GLRB: variants seen among roughly 807,000 people sequenced by gnomAD.
GLRB encodes glycine receptor beta.
A neutral mutation model predicts 54.2 loss-of-function variants in GLRB; 33 were observed. The ratio of observed to expected loss-of-function variants is 0.61; its 90% CI spans 0.46 to 0.81. GLRB has a LOEUF of 0.81. Ranked by LOEUF, GLRB falls within the 40% of genes least tolerant of loss-of-function variation. The pLI is 0.00. For missense variants in GLRB, 572 were observed against 584.6 expected, an observed-to-expected ratio of 0.98 and a Z score of 0.22; for synonymous variants, 209 against 208.2, an observed-to-expected ratio of 1.00 and a Z score of -0.03.
intron 2 of GLRB, among the ~76,000 whole-genome samples, chr4:157,096,275 A>T (rs543435555): frequency 1.3e-5 from 2 of 152,326 alleles, no homozygotes; most frequent in East Asian, 1.9e-4. Flanking sequence ...ATTGTTGGAC[A>T]TCTTACTTAA....
chr4:157,138,286 G>T (rs1458321587), intron 6 of GLRB, among the ~76,000 whole-genome samples: 1 of 152,094 alleles, frequency 6.6e-6, no homozygotes, highest in East Asian at 1.9e-4. Context: ...ATATTGGCCA[G>T]GCTGGTCTCG....
At chr4:157,143,410 C>A (rs1736688597) in intron 7 of GLRB, among the ~76,000 whole-genome samples, 1 of 151,620 alleles carries the variant, frequency 6.6e-6, no homozygotes, top group Non-Finnish European at 1.5e-5. Flanking sequence ...CGGAGTGTTT[C>A]TTTTTAAGAT....
At chr4:157,135,765 T>A (rs1427215523) in intron 4 of GLRB, among the ~76,000 whole-genome samples, 1 of 152,196 alleles carries the variant, frequency 6.6e-6, no homozygotes, top group East Asian at 1.9e-4. Context: ...TTTTAGCAAA[T>A]AATTTGAAAT....
Position 157,096,404 on chromosome 4 carries a change from T to C in GLRB, c.122+18258T>C, listed in dbSNP as rs76971622. 7.8e-3 allele frequency among the ~76,000 whole-genome samples: 1,184 copies of C among 152,308 alleles called. 20 individuals are homozygous for C. In the East Asian group the frequency reaches 0.1, roughly 13 times the overall value. On this transcript the variant is annotated intron_variant, in intron 2 of 9. Coordinates refer to ENST00000264428, the MANE Select transcript of GLRB (RefSeq NM_000824.5). Reference sequence around the variant, plus strand: ...CATCCAGGTATATTGGATAGTCTTATCTCACAGAGCCAGTTTGGATAAATG... The same window carrying C: ...CATCCAGGTATATTGGATAGTCTTACCTCACAGAGCCAGTTTGGATAAATG...
At chr4:157,109,101 G>T (rs1735327193) in intron 2 of GLRB, among the ~76,000 whole-genome samples, 1 of 151,954 alleles carries the variant, frequency 6.6e-6, no homozygotes. Flanking sequence ...TATATGCACT[G>T]GGAAACCAAA....
At chr4:157,104,857 A>T (rs1252099694) in intron 2 of GLRB, among the ~76,000 whole-genome samples, 1 of 151,964 alleles carries the variant, frequency 6.6e-6, no homozygotes, top group Admixed American at 6.6e-5. Flanking sequence ...TTTTCAGAGT[A>T]GTCTCTTACA....
rs1333803888 is a variant in GLRB at position 157,170,977 on chromosome 4, A to G, written c.*249A>G. On this transcript the variant is annotated 3_prime_UTR_variant, in exon 10 of 10. Coordinates refer to ENST00000264428, the MANE Select transcript of GLRB (RefSeq NM_000824.5). Reference sequence around the variant, plus strand: ...GTAACAAATGAAGGACAAGCATACTACATAATATAATCCATACAATTCTCT... The same window carrying G: ...GTAACAAATGAAGGACAAGCATACTGCATAATATAATCCATACAATTCTCT... 2 of 332,512 alleles carry G rather than the reference A, an allele frequency of 6.0e-6. No individual in the cohort carries two copies. The highest frequency in any genetic ancestry group is 4.2e-5 in the African/African-American group (2 of 47,276). The allele number at this position is 332,512 out of a possible 1,614,324, so 20.6% of individuals were successfully genotyped here.
intron 6 of GLRB, among the ~76,000 whole-genome samples, chr4:157,138,560 G>A (rs1439555251): frequency 1.3e-5 from 2 of 152,028 alleles, no homozygotes; most frequent in African/African-American, 4.8e-5. Flanking sequence ...TGATGCCCTA[G>A]GATTTTAAAT....
chr4:157,141,107 G>C (rs555850917), intron 7 of GLRB, among the ~76,000 whole-genome samples: 6 of 151,936 alleles, frequency 3.9e-5, no homozygotes, highest in African/African-American at 1.4e-4. Flanking sequence ...TAGAAGGTGT[G>C]CTATGGTATT....
intron 9 of GLRB, among the ~76,000 whole-genome samples, chr4:157,157,322 G>C (rs999134057): frequency 6.6e-6 from 1 of 150,588 alleles, no homozygotes; most frequent in Non-Finnish European, 1.5e-5. Flanking sequence ...ACTTCAGTGT[G>C]GATCGGGCTG....
chr4:157,153,056 A>G lies in GLRB; in HGVS notation c.1197+46A>G, dbSNP rs1160490538. The G allele has an allele frequency of 4.7e-6, 7 of 1,487,744 alleles. No individual in the cohort carries two copies. In the African/African-American group the frequency reaches 5.5e-5, roughly 12 times the overall value. 92.2% of individuals were successfully genotyped at this position (1,487,744 alleles called of 1,614,324 possible). ...TGAAATCATTTCCCCCAACCACTTC[A>G]TAGTGTCAAGAGAGAGACACCTTTG... On this transcript the variant is annotated intron_variant, in intron 9 of 9. Transcript: ENST00000264428.
chr4:157,092,996 GT>G (rs1734674607), intron 2 of GLRB, among the ~76,000 whole-genome samples: 2 of 152,196 alleles, frequency 1.3e-5, no homozygotes. Flanking sequence ...CCCATTCCAA[GT>G]TTTTTCATTA....
intron 2 of GLRB, among the ~76,000 whole-genome samples, chr4:157,107,665 G>T (rs768051101): frequency 9.2e-5 from 14 of 152,102 alleles, no homozygotes; most frequent in African/African-American, 2.7e-4. Flanking sequence ...AAGGAAAGAA[G>T]CCATTTGCAT....
chr4:157,169,129 A>G (rs1737824205), intron 9 of GLRB, among the ~76,000 whole-genome samples: 1 of 152,114 alleles, frequency 6.6e-6, no homozygotes, highest in Admixed American at 6.6e-5. Flanking sequence ...ATGTAAATAG[A>G]ATCTATAGAA....
At chr4:157,154,438 T>G in intron 9 of GLRB, among the ~76,000 whole-genome samples, 1 of 145,418 alleles carries the variant, frequency 6.9e-6, no homozygotes, top group African/African-American at 2.5e-5. Context: ...TTTTTTTTTT[T>G]TTTTTTGAGA....
intron 2 of GLRB, among the ~76,000 whole-genome samples, chr4:157,099,657 T>C (rs919956933): frequency 6.6e-6 from 1 of 152,156 alleles, no homozygotes; most frequent in African/African-American, 2.4e-5. Context: ...TTTTTATACA[T>C]GTATTTTGTT....
At chr4:157,097,586 C>T (rs1461849902) in intron 2 of GLRB, among the ~76,000 whole-genome samples, 1 of 152,134 alleles carries the variant, frequency 6.6e-6, no homozygotes, top group Non-Finnish European at 1.5e-5. Context: ...AATTTGTCCA[C>T]CTAATTTTTT....
chr4:157,106,550 A>G (rs1218079961), intron 2 of GLRB, among the ~76,000 whole-genome samples: 1 of 152,100 alleles, frequency 6.6e-6, no homozygotes, highest in Admixed American at 6.6e-5. Flanking sequence ...GCCTGAATAT[A>G]ATAAAACAGC....
At chr4:157,118,548 C>T (rs766847965) in intron 2 of GLRB, among the ~76,000 whole-genome samples, 19 of 151,488 alleles carry the variant, frequency 1.3e-4, no homozygotes, top group Non-Finnish European at 1.9e-4. Flanking sequence ...TTTAAAAATC[C>T]GTATGATCTA....
Sources: allele counts gnomAD v4.1 joint callset (sites outside exome capture counted in the v4.1 genomes callset), GRCh38; gene constraint gnomAD v4.1.1; transcripts MANE v1.5; gene names NCBI Gene and HGNC (gene_info 2026-07-23, HGNC 2026-07-21).